The following OLFM1 variants were observed in gnomAD, a reference collection of about 807,000 sequenced individuals.
OLFM1 encodes noelin.
A neutral mutation model predicts 49.7 loss-of-function variants in OLFM1; 9 were observed. The observed-to-expected ratio is 0.18, with a 90% confidence interval of 0.11 to 0.32. The LOEUF is 0.32. Ranked by LOEUF, OLFM1 falls within the 10% of genes least tolerant of loss-of-function variation. The pLI is 1.00. For synonymous variants in OLFM1, 240 were observed against 271.8 expected (o/e 0.88, Z 1.15); for missense variants, 369 against 661.8 (o/e 0.56, Z 4.85).
intron 5 of OLFM1, among the ~76,000 whole-genome samples, chr9:135,118,772 CGTGTCTTTGG>C (rs1831137731): frequency 1.0e-5 from 1 of 98,836 alleles, no homozygotes; most frequent in Admixed American, 1.1e-4. Flanking sequence ...GAGTGCTCGC[CGTGTCTTTGG>C]AGTGCTCGCC....
upstream of OLFM1, chr9:135,086,408 G>A (rs1259419218): frequency 5.6e-6 from 2 of 358,782 alleles, no homozygotes; most frequent in Non-Finnish European, 1.1e-5. Flanking sequence ...CTTCAGCCGA[G>A]GACTGCGCAC....
chr9:135,120,256 A>G lies in OLFM1; in HGVS notation c.*78A>G. 8.2e-7 allele frequency: 1 copy of G among 1,217,352 alleles called. No individual in the cohort carries two copies. Among genetic ancestry groups the G allele is most frequent in the Non-Finnish European group, 1.2e-6 (1 of 865,478 alleles). 75.4% of individuals were successfully genotyped at this position (1,217,352 alleles called of 1,614,324 possible). On this transcript the variant is annotated 3_prime_UTR_variant, in exon 6 of 6. Transcript: ENST00000371793. Reference sequence around the variant, plus strand: ...GTGAAACTGCTGCCAAAAAGATACCAATAACACTAACAATACCGATCTTGA... The same window carrying G: ...GTGAAACTGCTGCCAAAAAGATACCGATAACACTAACAATACCGATCTTGA...
rs576967582 is a variant in OLFM1, at chr9:135,110,608, C to T, written c.783+3753C>T. Among the ~76,000 whole-genome samples, 320 of 152,288 alleles carry T rather than the reference C, an allele frequency of 2.1e-3. 1 individual carries two copies. Among genetic ancestry groups the T allele is most frequent in the Middle Eastern group, 0.017 (5 of 294 alleles). ...GTGTGGGTGCAGGCAGTGATCCGCC[C>T]GCCGCCAGTGGTGCAATAAACATCA... On this transcript the variant is annotated intron_variant, in intron 5 of 5. Coordinates refer to ENST00000371793, the MANE Select transcript of OLFM1 (RefSeq NM_001282611.2).
upstream of OLFM1, chr9:135,087,527 C>A: frequency 7.6e-7 from 1 of 1,323,134 alleles, no homozygotes; most frequent in South Asian, 1.8e-5. Flanking sequence ...AGTTTGCAGA[C>A]CTCGCTGCCA....
At position 135,098,026 on chromosome 9, in the gene OLFM1, A is replaced by G; in HGVS notation, c.457-260A>G. 3 of 1,419,834 alleles carry G rather than the reference A, an allele frequency of 2.1e-6. No individual in the cohort carries two copies. The highest frequency in any genetic ancestry group is 1.8e-6 in the Non-Finnish European group (2 of 1,094,880). The allele number at this position is 1,419,834 out of a possible 1,614,324, so 88.0% of individuals were successfully genotyped here. On this transcript the variant is annotated intron_variant, in intron 3 of 5. Transcript: ENST00000371793. This position sits in a 1 kb window ranked among gnomAD's most constrained non-coding sequence, Gnocchi z 5.6. ...GCATTTTTTGAAAAAGAAAGAAAAA[A>G]AAAACTTCGTGTATGTGACTCAAAG...
chr9:135,094,005 C>T (rs1038480494), intron 2 of OLFM1, among the ~76,000 whole-genome samples: 5 of 152,180 alleles, frequency 3.3e-5, no homozygotes, highest in African/African-American at 1.2e-4. Flanking sequence ...GAGCAAAAAG[C>T]CTACAGCACC....
At chr9:135,082,897 C>G (rs548344376), upstream of OLFM1, among the ~76,000 whole-genome samples, 1 of 152,300 alleles carries the variant, frequency 6.6e-6, no homozygotes, top group Admixed American at 6.5e-5. Flanking sequence ...CCGGGAGCCT[C>G]CTGTGCAGAG....
upstream of OLFM1, among the ~76,000 whole-genome samples, chr9:135,084,994 T>G (rs1489545882): frequency 3.3e-5 from 5 of 152,166 alleles, no homozygotes; most frequent in Admixed American, 2.0e-4. The surrounding 1 kb of genome is among the most constrained non-coding windows in gnomAD (Gnocchi z 4.6). Context: ...TATAGCAAGC[T>G]GGGCAGGAGC....
chr9:135,098,032 T>C lies in OLFM1; in HGVS notation c.457-254T>C, dbSNP rs1436137481. The C allele has an allele frequency of 4.9e-6, 7 of 1,416,596 alleles. No individual in the cohort carries two copies. The highest frequency in any genetic ancestry group is 6.4e-6 in the Non-Finnish European group (7 of 1,092,512). The allele number at this position is 1,416,596 out of a possible 1,614,324, so 87.8% of individuals were successfully genotyped here. On this transcript the variant is annotated intron_variant, in intron 3 of 5. Coordinates refer to ENST00000371793, the MANE Select transcript of OLFM1 (RefSeq NM_001282611.2). The surrounding 1 kb of genome is among the most constrained non-coding windows in gnomAD (Gnocchi z 5.6). ...TTTGAAAAAGAAAGAAAAAAAAAACTTCGTGTATGTGACTCAAAGCATGTA... is the reference window on the plus strand; with the variant it reads ...TTTGAAAAAGAAAGAAAAAAAAAACCTCGTGTATGTGACTCAAAGCATGTA...
intron 5 of OLFM1, among the ~76,000 whole-genome samples, chr9:135,114,163 C>A (rs1269211436): frequency 5.6e-5 from 5 of 89,240 alleles, no homozygotes; most frequent in African/African-American, 4.5e-4. Flanking sequence ...GACAGGGTCT[C>A]ACTCTGTTGC....
intron 3 of OLFM1, among the ~76,000 whole-genome samples, chr9:135,096,898 G>A (rs1424236060): frequency 6.6e-6 from 1 of 152,202 alleles, no homozygotes; most frequent in South Asian, 2.1e-4. Flanking sequence ...TAAAACTGGT[G>A]TTTGTTTGAC....
At position 135,080,722 on chromosome 9, in the gene OLFM1, A is replaced by G. The variant is rs1033260874; in HGVS notation, c.96+4920A>G. Among the ~76,000 whole-genome samples the G allele has an allele frequency of 4.6e-5, 7 of 152,218 alleles. No homozygotes were observed. The highest frequency in any genetic ancestry group is 8.8e-5 in the Non-Finnish European group (6 of 68,044). On this transcript the variant is annotated intron_variant, in intron 1 of 5. Transcript: ENST00000252854. The surrounding 1 kb of genome is among the most constrained non-coding windows in gnomAD (Gnocchi z 4.5). ...CAGTATTAACATCACCGTGTAAAGT[A>G]ATACAAAACTAATTACTAGCTAAAC...
chr9:135,078,039 G>A (rs892672591), intron 1 of OLFM1, among the ~76,000 whole-genome samples: 2 of 152,234 alleles, frequency 1.3e-5, no homozygotes, highest in Admixed American at 1.3e-4. Flanking sequence ...GGGAATGGGT[G>A]TGGGGGCAGG....
At chr9:135,115,275 G>A (rs546679140) in intron 5 of OLFM1, among the ~76,000 whole-genome samples, 3 of 152,148 alleles carry the variant, frequency 2.0e-5, no homozygotes, top group Admixed American at 6.5e-5. Context: ...TCAAACCCAC[G>A]TCCACATCCA....
chr9:135,096,219 T>C (rs1830794315), intron 3 of OLFM1, among the ~76,000 whole-genome samples, 200 bp downstream of exon 3: 1 of 141,558 alleles, frequency 7.1e-6, no homozygotes. Context: ...ATCCTCCTCT[T>C]CCTCCTCCCT....
Position 135,087,905 on chromosome 9 carries a change from G to C in OLFM1, c.-85G>C. ...GGGACACAGCCAGGCGCCCCTGCCC[G>C]CCGCGGTGCCCGCCGCCTGAAGGCC... On this transcript the variant is annotated 5_prime_UTR_variant, in exon 1 of 6. Coordinates refer to ENST00000371793, the MANE Select transcript of OLFM1 (RefSeq NM_001282611.2). The C allele has an allele frequency of 8.8e-7, 1 of 1,130,650 alleles. No homozygotes were observed. The highest frequency in any genetic ancestry group is 1.1e-6 in the Non-Finnish European group (1 of 914,012). 70.0% of individuals were successfully genotyped at this position (1,130,650 alleles called of 1,614,324 possible). A position where few individuals can be genotyped will look rare whatever the true frequency, so the allele number is the denominator to read the frequency against.
At chr9:135,082,421 G>A (rs1403314083) in intron 1 of OLFM1, among the ~76,000 whole-genome samples, 1 of 152,134 alleles carries the variant, frequency 6.6e-6, no homozygotes, top group Non-Finnish European at 1.5e-5. Context: ...TGAAAAGAAA[G>A]TCTCCCCCAC....
At chr9:135,084,523 C>T (rs1407836302), upstream of OLFM1, among the ~76,000 whole-genome samples, 2 of 151,682 alleles carry the variant, frequency 1.3e-5, no homozygotes, top group African/African-American at 4.8e-5. This position sits in a 1 kb window ranked among gnomAD's most constrained non-coding sequence, Gnocchi z 4.6. Flanking sequence ...CTCTGTCTCT[C>T]TCTCCATTTC....
At chr9:135,102,317 C>T (rs761842064) in intron 4 of OLFM1, among the ~76,000 whole-genome samples, 9 of 152,208 alleles carry the variant, frequency 5.9e-5, no homozygotes, top group Non-Finnish European at 8.8e-5. Flanking sequence ...GCCCCCGGCC[C>T]TGAGTGGAGC....
Sources: allele counts gnomAD v4.1 joint callset (sites outside exome capture counted in the v4.1 genomes callset), GRCh38; gene constraint gnomAD v4.1.1; non-coding constraint Gnocchi (gnomAD v3.1); transcripts MANE v1.5; gene names NCBI Gene and HGNC (gene_info 2026-07-23, HGNC 2026-07-21).